IL1RAPL1: variants seen among roughly 807,000 people sequenced by gnomAD.
The protein encoded by IL1RAPL1 is interleukin 1 receptor accessory protein like 1.
In IL1RAPL1, 3 loss-of-function variants were observed where a neutral mutation model predicts 48.4. That is an observed-to-expected ratio of 0.06 (90% CI 0.03 to 0.16). The LOEUF (loss-of-function observed/expected upper bound fraction) is 0.16, where lower values mean the gene tolerates loss of function less well. IL1RAPL1 is among the 10% of genes least tolerant of loss of function. The probability of loss-of-function intolerance (pLI) is 1.00; values close to 1 mark genes in which losing one functional copy is unlikely to be tolerated. For synonymous variants in IL1RAPL1, 185 were observed against 187.7 expected (o/e 0.99, Z 0.12); for missense variants, 349 against 530.6 (o/e 0.66, Z 3.36).
chrX:29,361,692 A>G (rs1933378714), intron 3 of IL1RAPL1, among the ~76,000 whole-genome samples: 1 of 112,483 alleles, frequency 8.9e-6, no homozygotes, highest in Admixed American at 9.5e-5. Flanking sequence ...TCTTTTAAAT[A>G]GAAATATCAT....
chrX:29,268,063 G>A (rs1412654618), intron 2 of IL1RAPL1, among the ~76,000 whole-genome samples: 1 of 111,335 alleles, frequency 9.0e-6, no homozygotes, highest in Non-Finnish European at 1.9e-5. Flanking sequence ...GGCCTGTGGG[G>A]AGCTTGTTTA....
intron 8 of IL1RAPL1, among the ~76,000 whole-genome samples, chrX:29,936,256 A>T (rs998494856): frequency 9.0e-6 from 1 of 111,260 alleles, no homozygotes; most frequent in Non-Finnish European, 1.9e-5. Flanking sequence ...ATGTGGATGG[A>T]TAAATTCTTA....
intron 1 of IL1RAPL1, among the ~76,000 whole-genome samples, chrX:28,630,177 C>T (rs769125318): frequency 2.7e-5 from 3 of 111,127 alleles, no homozygotes; most frequent in African/African-American, 9.8e-5. Context: ...AGTGATAGAT[C>T]GACTTTTTTT....
chrX:29,502,627 T>C (rs764547653), intron 5 of IL1RAPL1, among the ~76,000 whole-genome samples: 2 of 111,740 alleles, frequency 1.8e-5, no homozygotes, highest in African/African-American at 6.5e-5. Flanking sequence ...GATTTGTATA[T>C]GTTGAATCAT....
chrX:29,009,468 C>A (rs1166227997), intron 2 of IL1RAPL1, among the ~76,000 whole-genome samples: 1 of 112,334 alleles, frequency 8.9e-6, no homozygotes, highest in African/African-American at 3.2e-5. Context: ...CAGTTTCTTT[C>A]TTTTGCATAT....
intron 5 of IL1RAPL1, among the ~76,000 whole-genome samples, chrX:29,472,928 C>T (rs145510170): frequency 1.6e-4 from 18 of 112,027 alleles, no homozygotes; most frequent in South Asian, 1.1e-3. Context: ...CACAGCTTCC[C>T]GGTGCTTTAG....
intron 5 of IL1RAPL1, among the ~76,000 whole-genome samples, chrX:29,667,257 C>G (rs1169271277): frequency 1.8e-5 from 2 of 111,967 alleles, no homozygotes; most frequent in Admixed American, 1.9e-4. Flanking sequence ...TCCTTTTATT[C>G]TCTGACTTGG....
intron 6 of IL1RAPL1, among the ~76,000 whole-genome samples, chrX:29,736,912 A>G (rs1188544352): frequency 8.9e-6 from 1 of 111,853 alleles, no homozygotes; most frequent in African/African-American, 3.2e-5. Flanking sequence ...ATTCTATAAG[A>G]AACTGCATAA....
intron 1 of IL1RAPL1, among the ~76,000 whole-genome samples, chrX:28,603,564 T>G (rs1569136483): frequency 8.9e-6 from 1 of 112,063 alleles, no homozygotes; most frequent in Non-Finnish European, 1.9e-5. Flanking sequence ...AGTATAAGGC[T>G]GAGAGGATAT....
chrX:29,398,809 A>G (rs890409507), intron 4 of IL1RAPL1, among the ~76,000 whole-genome samples: 1 of 111,948 alleles, frequency 8.9e-6, no homozygotes, highest in Non-Finnish European at 1.9e-5. Context: ...GATGTCACGG[A>G]TAGTCTTAGC....
At chrX:29,273,861 A>G (rs572420124) in intron 2 of IL1RAPL1, among the ~76,000 whole-genome samples, 1 of 111,760 alleles carries the variant, frequency 8.9e-6, no homozygotes, top group South Asian at 3.8e-4. Flanking sequence ...TGGGGTTGCC[A>G]GTGCCCATCA....
At chrX:29,222,208 C>G (rs886993528) in intron 2 of IL1RAPL1, among the ~76,000 whole-genome samples, 1 of 111,198 alleles carries the variant, frequency 9.0e-6, no homozygotes. Context: ...GCTTTGCCAC[C>G]ATCAAGAATA....
At chrX:29,365,676 C>A (rs892234485) in intron 3 of IL1RAPL1, among the ~76,000 whole-genome samples, 1 of 106,227 alleles carries the variant, frequency 9.4e-6, no homozygotes, top group Non-Finnish European at 1.9e-5. Flanking sequence ...CCAAGTGAGA[C>A]CCTGTCTCAA....
At chrX:29,853,652 C>T (rs1931421101) in intron 6 of IL1RAPL1, among the ~76,000 whole-genome samples, 1 of 111,286 alleles carries the variant, frequency 9.0e-6, no homozygotes, top group Non-Finnish European at 1.9e-5. Context: ...TTTATTAAAT[C>T]GATTTAGAAG....
chrX:29,047,062 G>A (rs1247367310), intron 2 of IL1RAPL1, among the ~76,000 whole-genome samples: 2 of 112,190 alleles, frequency 1.8e-5, no homozygotes, highest in African/African-American at 6.5e-5. Flanking sequence ...CACCCACATG[G>A]CTTGGGCCTC....
chrX:29,269,596 T>A (rs1270485027), intron 2 of IL1RAPL1, among the ~76,000 whole-genome samples: 1 of 109,459 alleles, frequency 9.1e-6, no homozygotes, highest in Non-Finnish European at 1.9e-5. Flanking sequence ...CTCTGGAAAG[T>A]AGAGTTTAAG....
chrX:29,455,036 C>G (rs1456973292), intron 5 of IL1RAPL1, among the ~76,000 whole-genome samples: 1 of 111,182 alleles, frequency 9.0e-6, no homozygotes, highest in Non-Finnish European at 1.9e-5. Context: ...AAATTATTCA[C>G]AGATCTTTTT....
At chrX:28,743,189 A>G (rs1935932417) in intron 1 of IL1RAPL1, among the ~76,000 whole-genome samples, 1 of 111,288 alleles carries the variant, frequency 9.0e-6, no homozygotes, top group African/African-American at 3.3e-5. Flanking sequence ...AGTAGAATTT[A>G]TGATTCTGTG....
At chrX:28,954,775 C>G (rs1047616562) in intron 2 of IL1RAPL1, among the ~76,000 whole-genome samples, 2 of 111,168 alleles carry the variant, frequency 1.8e-5, no homozygotes, top group African/African-American at 3.3e-5. Context: ...CAACGTGAAC[C>G]TAAGAGGCCT....
Sources: gnomAD v4.1 joint callset for allele counts (sites outside exome capture counted in the v4.1 genomes callset) on GRCh38, gnomAD v4.1.1 for gene constraint, MANE v1.5 for transcripts, NCBI Gene and HGNC (gene_info 2026-07-23, HGNC 2026-07-21) for gene names.